Variants in GPHN observed in about 807,000 individuals in gnomAD.
GPHN encodes gephyrin.
GPHN carries 17 observed loss-of-function variants against 95.5 expected under a neutral mutation model. The observed-to-expected ratio is 0.18, with a 90% CI of 0.12 to 0.27. The LOEUF (loss-of-function observed/expected upper bound fraction) is 0.27, where lower values mean the gene tolerates loss of function less well. GPHN is among the 10% of genes least tolerant of loss of function. The pLI is 1.00. For synonymous variants in GPHN, 320 were observed against 322.5 expected, an observed-to-expected ratio of 0.99 and a Z score of 0.08; for missense variants, 660 against 978.1, an observed-to-expected ratio of 0.67 and a Z score of 4.34.
the GPHN span, among the ~76,000 whole-genome samples, chr14:67,297,687 G>A: frequency 2.7e-5 from 4 of 146,804 alleles, no homozygotes; most frequent in Admixed American, 6.8e-5. Context: ...AAATATTTAA[G>A]TAGAAAATTA....
chr14:66,520,910 C>T (rs2058456428), intron 1 of GPHN, among the ~76,000 whole-genome samples: 1 of 152,024 alleles, frequency 6.6e-6, no homozygotes, highest in African/African-American at 2.4e-5. Context: ...TCTTTGTGTC[C>T]ATGAGTTCTT....
the GPHN span, chr14:67,645,639 G>A: frequency 3.7e-6 from 6 of 1,611,836 alleles, no homozygotes; most frequent in African/African-American, 8.0e-5. Flanking sequence ...CTTGTTCTTT[G>A]CAGCCTGGCA....
rs112443999 is a variant in GPHN, at chr14:66,922,557, T to C, written c.457-109T>C. ...TTTTACATATGATTGATTCTGAGAT[T>C]GATGGAGGAAAATGCAAATCCAAAA... On this transcript the variant is annotated intron_variant, in intron 6 of 22. Transcript: ENST00000478722. 0.014 allele frequency: 11,259 copies of C among 782,938 alleles called. 126 individuals are homozygous for C. The highest frequency in any genetic ancestry group is 0.017 in the Non-Finnish European group (8,267 of 476,670). 48.5% of individuals were successfully genotyped at this position (782,938 alleles called of 1,614,324 possible). A position where few individuals can be genotyped will look rare whatever the true frequency, so the allele number is the denominator to read the frequency against.
At chr14:66,645,899 G>T (rs1219196698) in intron 1 of GPHN, among the ~76,000 whole-genome samples, 1 of 151,928 alleles carries the variant, frequency 6.6e-6, no homozygotes, top group African/African-American at 2.4e-5. Flanking sequence ...TAAAATGTAT[G>T]TACAGAGTCA....
intron 8 of GPHN, among the ~76,000 whole-genome samples, chr14:66,957,434 G>A (rs1596506169): frequency 6.6e-6 from 1 of 151,998 alleles, no homozygotes; most frequent in East Asian, 1.9e-4. Flanking sequence ...GACCTCAGGT[G>A]ATCCACCCAC....
At chr14:67,225,911 A>G in the GPHN span, among the ~76,000 whole-genome samples, 1 of 137,674 alleles carries the variant, frequency 7.3e-6, no homozygotes, top group South Asian at 2.3e-4. Context: ...CCTCCTTCAT[A>G]AAGCTAATGC....
At chr14:67,678,205 G>A in the GPHN span, 1 of 688,374 alleles carries the variant, frequency 1.5e-6, no homozygotes. Flanking sequence ...GGCAAGGCTG[G>A]AAGGTTTTGC....
the GPHN span, among the ~76,000 whole-genome samples, chr14:67,190,050 G>C: frequency 6.8e-6 from 1 of 146,504 alleles, no homozygotes; most frequent in African/African-American, 2.5e-5. Context: ...TATAGGCATC[G>C]CCCATCATGC....
intron 3 of GPHN, among the ~76,000 whole-genome samples, chr14:66,807,604 ATGT>A (rs1323906998): frequency 1.3e-5 from 2 of 152,196 alleles, no homozygotes; most frequent in Non-Finnish European, 2.9e-5. Context: ...CTTAATAAGA[ATGT>A]TGTTTCTGAA....
At chr14:66,598,695 A>G (rs1490465595) in intron 1 of GPHN, among the ~76,000 whole-genome samples, 1 of 152,118 alleles carries the variant, frequency 6.6e-6, no homozygotes, top group African/African-American at 2.4e-5. Context: ...AAATACAAAA[A>G]TTAGCTGGGC....
the GPHN span, among the ~76,000 whole-genome samples, chr14:67,410,266 T>C: frequency 6.6e-6 from 1 of 151,962 alleles, no homozygotes; most frequent in Non-Finnish European, 1.5e-5. Context: ...GGAGAAGGCC[T>C]CCAAAACTCC....
the GPHN span, chr14:67,200,336 T>C: frequency 1.5e-6 from 1 of 649,014 alleles, no homozygotes; most frequent in Non-Finnish European, 2.7e-6. Flanking sequence ...AAATTCACAT[T>C]TTCCTTCCTC....
chr14:66,842,327 G>A (rs981438564), intron 4 of GPHN, among the ~76,000 whole-genome samples: 48 of 152,180 alleles, frequency 3.2e-4, no homozygotes, highest in Middle Eastern at 3.4e-3. Context: ...CATTCACAAA[G>A]AGTGGAAGGG....
the GPHN span, chr14:67,333,858 A>G: frequency 6.6e-5 from 10 of 152,570 alleles, no homozygotes; most frequent in African/African-American, 2.4e-4. Context: ...TTTTGTATAC[A>G]TGGGAGGATA....
At chr14:67,649,030 G>C in the GPHN span, 1 of 152,180 alleles carries the variant, frequency 6.6e-6, no homozygotes, top group South Asian at 2.1e-4. Context: ...AAAAAGGCAG[G>C]CAGTACTGGT....
the GPHN span, among the ~76,000 whole-genome samples, chr14:67,194,483 C>T: frequency 6.6e-6 from 1 of 152,018 alleles, no homozygotes; most frequent in East Asian, 1.9e-4. Context: ...TTCACAGAAC[C>T]ATCCCTCTGT....
chr14:67,645,875 G>C, the GPHN span: 3 of 1,547,326 alleles, frequency 1.9e-6, no homozygotes, highest in Non-Finnish European at 2.6e-6. Flanking sequence ...GTTCAGTTAA[G>C]ATTTTGGTGA....
chr14:67,720,200 T>A, the GPHN span, among the ~76,000 whole-genome samples: 2 of 152,212 alleles, frequency 1.3e-5, no homozygotes, highest in African/African-American at 4.8e-5. Flanking sequence ...CACTTGTATT[T>A]CCTTTTTTGT....
At chr14:67,382,677 A>G in the GPHN span, 1 of 1,479,436 alleles carries the variant, frequency 6.8e-7, no homozygotes, top group Non-Finnish European at 9.4e-7. Context: ...TCGGCCTTGG[A>G]ATGTCATATT....
Sources: allele counts gnomAD v4.1 joint callset (sites outside exome capture counted in the v4.1 genomes callset), GRCh38; gene constraint gnomAD v4.1.1; transcripts MANE v1.5; gene names NCBI Gene and HGNC (gene_info 2026-07-23, HGNC 2026-07-21).